Variants in STXBP5 observed in about 807,000 individuals in gnomAD.
STXBP5 encodes the protein syntaxin binding protein 5, also known as syntaxin-binding protein 5.
A neutral mutation model predicts 152.4 loss-of-function variants in STXBP5; 50 were observed. The ratio of observed to expected loss-of-function variants is 0.33; its 90% CI spans 0.26 to 0.42. STXBP5 has a LOEUF of 0.42. Among genes scored for constraint, STXBP5 ranks in the 10% least tolerant of loss-of-function variants. The probability of loss-of-function intolerance (pLI) is 1.00; values close to 1 mark genes in which losing one functional copy is unlikely to be tolerated. For synonymous variants in STXBP5, 492 were observed against 494.7 expected (o/e 0.99, Z 0.07); for missense variants, 1,167 against 1,388.6 (o/e 0.84, Z 2.54).
chr6:147,265,935 T>C (rs1779872760), intron 6 of STXBP5, among the ~76,000 whole-genome samples: 1 of 151,800 alleles, frequency 6.6e-6, no homozygotes, highest in Non-Finnish European at 1.5e-5. Context: ...CAAAGTGTTA[T>C]TGGAGCACAT....
At chr6:147,311,571 G>GA (rs1211601937) in intron 11 of STXBP5, 44 bp downstream of exon 11, 5 of 1,423,774 alleles carry the variant, frequency 3.5e-6, no homozygotes, top group African/African-American at 1.4e-5. Context: ...GTATGTGGTT[G>GA]AAAAAAGATG....
intron 7 of STXBP5, 124 bp from the exon 8 acceptor site, chr6:147,277,957 A>T: frequency 1.2e-6 from 1 of 807,326 alleles, no homozygotes; most frequent in Non-Finnish European, 1.8e-6. Context: ...TGGAAATGTT[A>T]AGTTCACATG....
rs368819017 is a variant in STXBP5 at position 147,292,092 on chromosome 6, G to A, written c.917+920G>A. ...TGCACTCTAACATTTAGAAACACTG[G>A]TGTATTTTTTGTATACCAGTTTATA... On this transcript the variant is annotated intron_variant, in intron 9 of 27. Coordinates refer to ENST00000321680, the MANE Select transcript of STXBP5 (RefSeq NM_001127715.4). Among the ~76,000 whole-genome samples the A allele has an allele frequency of 3.0e-4, 46 of 152,178 alleles. No individual in the cohort carries two copies. In the East Asian group the frequency reaches 3.7e-3, roughly 12 times the overall value.
intron 2 of STXBP5, among the ~76,000 whole-genome samples, chr6:147,218,795 C>A (rs1011755930): frequency 1.3e-5 from 2 of 152,186 alleles, no homozygotes; most frequent in African/African-American, 4.8e-5. Context: ...TGTATGTTAA[C>A]CTTGCATATC....
At chr6:147,240,444 T>G (rs1051132506) in intron 4 of STXBP5, among the ~76,000 whole-genome samples, 1 of 152,148 alleles carries the variant, frequency 6.6e-6, no homozygotes, top group African/African-American at 2.4e-5. Flanking sequence ...CACAATCTTT[T>G]TTAATATATA....
At chr6:147,216,488 T>C (rs967343646) in intron 2 of STXBP5, among the ~76,000 whole-genome samples, 6 of 152,206 alleles carry the variant, frequency 3.9e-5, no homozygotes, top group African/African-American at 1.4e-4. Flanking sequence ...TACATGCCTC[T>C]TGTTGGAAAG....
chr6:147,250,394 A>C (rs965036332), intron 4 of STXBP5, among the ~76,000 whole-genome samples: 5 of 152,308 alleles, frequency 3.3e-5, no homozygotes, highest in South Asian at 2.1e-4. Flanking sequence ...TGGCTTGAAA[A>C]TATTTGGGGA....
chr6:147,321,354 A>T (rs989651428), intron 16 of STXBP5, among the ~76,000 whole-genome samples: 1 of 152,200 alleles, frequency 6.6e-6, no homozygotes, highest in African/African-American at 2.4e-5. Flanking sequence ...GTTTAAGACC[A>T]AGGAAGGGGA....
chr6:147,231,045 C>T (rs1034888195), intron 2 of STXBP5, among the ~76,000 whole-genome samples: 1 of 151,530 alleles, frequency 6.6e-6, no homozygotes, highest in Non-Finnish European at 1.5e-5. Flanking sequence ...GCCATTTAGG[C>T]AGTTAGAGTG....
chr6:147,218,566 G>C (rs981688376), intron 2 of STXBP5, among the ~76,000 whole-genome samples: 1 of 151,752 alleles, frequency 6.6e-6, no homozygotes, highest in Non-Finnish European at 1.5e-5. Context: ...CTGCAGCCTC[G>C]ATCTCCTGGG....
chr6:147,210,482 A>G (rs1469479741), intron 2 of STXBP5, among the ~76,000 whole-genome samples: 3 of 152,068 alleles, frequency 2.0e-5, no homozygotes, highest in Admixed American at 2.0e-4. Flanking sequence ...GGCATTGTCC[A>G]TTTATTTTCT....
intron 26 of STXBP5, among the ~76,000 whole-genome samples, chr6:147,377,924 G>GA (rs999859639): frequency 6.6e-5 from 10 of 151,086 alleles, no homozygotes; most frequent in South Asian, 2.1e-4. Flanking sequence ...ATTAGGAATG[G>GA]AAAAAAAAGG....
At chr6:147,247,777 G>T (rs756156669) in intron 4 of STXBP5, among the ~76,000 whole-genome samples, 3 of 151,982 alleles carry the variant, frequency 2.0e-5, no homozygotes, top group Non-Finnish European at 2.9e-5. Context: ...TAGATTTTTA[G>T]GGGCTGGTAC....
At chr6:147,314,135 G>C in intron 12 of STXBP5, 104 bp downstream of exon 12, 1 of 1,465,522 alleles carries the variant, frequency 6.8e-7, no homozygotes, top group Middle Eastern at 1.8e-4. Flanking sequence ...TGGAAAATAG[G>C]TTAAAAATTA....
Position 147,363,595 on chromosome 6 carries a change from A to G in STXBP5, c.2806A>G (p.Lys936Glu). ...ACTGCCAACCCAGAACTGTGCTTAT[A>G]AGCAAAATATTACAGAGACCTCGTT... ...ISLPTQNCAY[K>E]QNITETSFVL... Residue 936 changes from lysine to glutamate, a missense_variant, in exon 24 of 28, where the codon AAG (lysine) becomes GAG (glutamate). Around this residue, in one of 3 missense-constraint regions of STXBP5, gnomAD observed 833 missense variants for 986.3 expected, o/e 0.84. Transcript: ENST00000321680. 1.2e-6 allele frequency: 2 copies of G among 1,614,216 alleles called. No individual in the cohort carries two copies. Among genetic ancestry groups the G allele is most frequent in the Non-Finnish European group, 1.7e-6 (2 of 1,180,038 alleles).
At chr6:147,345,379 A>G (rs1161193973) in intron 21 of STXBP5, among the ~76,000 whole-genome samples, 1 of 152,162 alleles carries the variant, frequency 6.6e-6, no homozygotes, top group Non-Finnish European at 1.5e-5. Flanking sequence ...ATGACAAGAG[A>G]GTTTCTACTT....
chr6:147,243,819 A>G (rs1778665723), intron 4 of STXBP5, among the ~76,000 whole-genome samples: 1 of 151,224 alleles, frequency 6.6e-6, no homozygotes, highest in South Asian at 2.1e-4. Flanking sequence ...TTTGCTTATG[A>G]TTGTCCAGTT....
At chr6:147,278,257 TTTTG>T (rs1022184516) in intron 8 of STXBP5, 53 bp downstream of exon 8, 10 of 1,460,802 alleles carry the variant, frequency 6.8e-6, no homozygotes, top group African/African-American at 2.8e-5. Context: ...CAGTAAACTG[TTTTG>T]TTTGAGTTTG....
intron 2 of STXBP5, among the ~76,000 whole-genome samples, chr6:147,233,879 TTACTACTAC>T (rs1303858275): frequency 1.3e-5 from 2 of 149,728 alleles, no homozygotes; most frequent in Non-Finnish European, 3.0e-5. Flanking sequence ...ACTACTACTA[TTACTACTAC>T]TACTATTACT....
Sources: allele counts gnomAD v4.1 joint callset (sites outside exome capture counted in the v4.1 genomes callset), GRCh38; gene constraint gnomAD v4.1.1; regional missense constraint gnomAD v4.1.1; transcripts MANE v1.5; gene names NCBI Gene and HGNC (gene_info 2026-07-23, HGNC 2026-07-21).